Variants in TNPO2 observed in about 807,000 individuals in gnomAD.
TNPO2 encodes the protein transportin-2.
TNPO2 carries 16 observed loss-of-function variants against 111.1 expected under a neutral mutation model. The ratio of observed to expected loss-of-function variants is 0.14; its 90% CI spans 0.10 to 0.22. TNPO2 has a LOEUF of 0.22. TNPO2 is among the 10% of genes least tolerant of loss of function. TNPO2 has a pLI of 1.00. For missense variants in TNPO2, 530 were observed against 1,173.7 expected, an observed-to-expected ratio of 0.45 and a Z score of 8.01; for synonymous variants, 481 against 475.8, an observed-to-expected ratio of 1.01 and a Z score of -0.14.
At position 12,715,158 on chromosome 19, in the gene TNPO2, G is replaced by T; in HGVS notation, c.660C>A (p.Ala220=). 1 of 1,609,162 alleles carries T rather than the reference G, an allele frequency of 6.2e-7. No individual in the cohort carries two copies. Among genetic ancestry groups the T allele is most frequent in the Non-Finnish European group, 8.5e-7 (1 of 1,176,538 alleles). ...NIDTFIEHLF[A]LAVDDDPEVR... is the part of the protein sequence containing the mutation. ...CCTCGGGGTCATCATCCACAGCCAG[G>T]GCAAATAGGTGCTGCAGGGAGGAAC... is the stretch of plus-strand genomic sequence containing the variant. The change falls in exon 9 of 26, where the codon GCC becomes GCA. Residue 220 remains alanine (A), a synonymous_variant. Transcript: ENST00000425528. This position sits in a 1 kb window ranked among gnomAD's most constrained non-coding sequence, Gnocchi z 7.1.
At chr19:12,703,688 G>A in intron 19 of TNPO2, 26 bp downstream of exon 19, 1 of 1,604,532 alleles carries the variant, frequency 6.2e-7, no homozygotes, top group Non-Finnish European at 8.5e-7. Context: ...TGGGGTCATG[G>A]GTTAGGGACA....
At chr19:12,717,903 A>G (rs2026452077) in intron 5 of TNPO2, among the ~76,000 whole-genome samples, 1 of 152,082 alleles carries the variant, frequency 6.6e-6, no homozygotes, top group Non-Finnish European at 1.5e-5. Flanking sequence ...GCTAGTCTCC[A>G]ACTCCTGATC....
At chr19:12,711,922 C>T (rs1412182702) in intron 10 of TNPO2, among the ~76,000 whole-genome samples, 1 of 151,580 alleles carries the variant, frequency 6.6e-6, no homozygotes, top group Non-Finnish European at 1.5e-5. Flanking sequence ...GCAAGCCACC[C>T]AGGCACCGAG....
chr19:12,719,854 A>G lies in TNPO2; in HGVS notation c.100-518T>C, dbSNP rs1472764492. Among the ~76,000 whole-genome samples the G allele has an allele frequency of 6.7e-6, 1 of 149,806 alleles. No individual in the cohort carries two copies. Among genetic ancestry groups the G allele is most frequent in the Admixed American group, 6.7e-5 (1 of 15,008 alleles). On this transcript the variant is annotated intron_variant, in intron 3 of 25. Transcript: ENST00000425528. The surrounding 1 kb of genome is among the most constrained non-coding windows in gnomAD (Gnocchi z 5.0). ...GTGGAAATGTCTGAGTTTCCCATCC[A>G]CTCCTGAAGACCCAGCCAGAGCAGG...
Position 12,706,858 on chromosome 19 carries a change from A to G in TNPO2, c.1271-63T>C. ...GGGCCCAGCCACACCCACCGTATGG[A>G]GAGAAGAGTCAGCCGCACACAACAT... On this transcript the variant is annotated intron_variant, in intron 13 of 25. Transcript: ENST00000425528. The surrounding 1 kb of genome is among the most constrained non-coding windows in gnomAD (Gnocchi z 7.0). 7.3e-7 allele frequency: 1 copy of G among 1,371,190 alleles called. No individual in the cohort carries two copies. The highest frequency in any genetic ancestry group is 1.0e-6 in the Non-Finnish European group (1 of 985,048). The allele number at this position is 1,371,190 out of a possible 1,614,324, so 84.9% of individuals were successfully genotyped here.
At position 12,699,461 on chromosome 19, in the gene TNPO2, TTTTA is replaced by T. The variant is rs1391052794; in HGVS notation, c.*1799_*1802del. Reference sequence around the variant, plus strand: ...TAAATTAAAAAATTAAATAGTTTTTTTTTAAAAAAAAAAAAAAAAAGGAAAACGA... The same window carrying T: ...TAAATTAAAAAATTAAATAGTTTTTTAAAAAAAAAAAAAAAAGGAAAACGA... On this transcript the variant is annotated 3_prime_UTR_variant, in exon 26 of 26. Transcript: ENST00000425528. 9.7e-5 allele frequency: 12 copies of T among 124,222 alleles called. No individual in the cohort carries two copies. Among genetic ancestry groups the T allele is most frequent in the Admixed American group, 8.1e-4 (11 of 13,546 alleles). 7.7% of individuals were successfully genotyped at this position (124,222 alleles called of 1,614,324 possible). A position where few individuals can be genotyped will look rare whatever the true frequency, so the allele number is the denominator to read the frequency against.
chr19:12,714,814 C>G lies in TNPO2; in HGVS notation c.890+7G>C, dbSNP rs370656347. ...GGGGTAGGACAGTGGGCAGCAGCAG[C>G]ACTCACTGGACCAGATGGGAGGCCA... On this transcript the variant is annotated splice_region_variant and intron_variant, in intron 10 of 25. Transcript: ENST00000425528. 63 of 1,611,122 alleles carry G rather than the reference C, an allele frequency of 3.9e-5. No individual in the cohort carries two copies. The African/African-American group carries it at 5.7e-4, about 15-fold the overall frequency.
intron 19 of TNPO2, 54 bp from the exon 20 acceptor site, chr19:12,703,580 A>T: frequency 6.3e-7 from 1 of 1,579,000 alleles, no homozygotes. Flanking sequence ...GGTAAGCTGC[A>T]GGACCTAGTC....
In TNPO2 at chr19:12,701,451, A is replaced by T. The variant is rs1408452146; in HGVS notation, c.2589T>A (p.Ile863=). The T allele has an allele frequency of 6.8e-6, 11 of 1,613,660 alleles. No homozygotes were observed. The highest frequency in any genetic ancestry group is 3.3e-5 in the South Asian group (3 of 91,056). The part of the protein sequence containing the change: ...KDDLRDMFYK[I]LHGFKDQVGE... ...CAACTTGGTCTTTGAAGCCGTGGAG[A>T]ATCTGTGGGGAGGGTGGTGGTGAGG... The change falls in exon 25 of 26, where the codon ATT becomes ATA. Residue 863 remains isoleucine, a splice_region_variant and synonymous_variant. Coordinates refer to ENST00000425528, the MANE Select transcript of TNPO2 (RefSeq NM_001382241.1). The surrounding 1 kb of genome is among the most constrained non-coding windows in gnomAD (Gnocchi z 5.0).
intron 12 of TNPO2, 155 bp downstream of exon 12, chr19:12,711,141 G>A (rs2145547524): frequency 7.8e-6 from 7 of 902,640 alleles, no homozygotes; most frequent in Non-Finnish European, 1.2e-5. Context: ...TGATCCGCCC[G>A]CCTCAGCCTT....
At position 12,705,820 on chromosome 19, in the gene TNPO2, G is replaced by T; in HGVS notation, c.1669-52C>A. On this transcript the variant is annotated intron_variant, in intron 15 of 25. Coordinates refer to ENST00000425528, the MANE Select transcript of TNPO2 (RefSeq NM_001382241.1). The surrounding 1 kb of genome is among the most constrained non-coding windows in gnomAD (Gnocchi z 7.2). ...TCCCTGGGTCGGGGTGGCAGACTGT[G>T]ACTCAGGTACCTGTTGCCCGAGTGA... 3.1e-6 allele frequency: 4 copies of T among 1,307,044 alleles called. No individual in the cohort carries two copies. The South Asian group carries it at 6.2e-5, about 20-fold the overall frequency. 81.0% of individuals were successfully genotyped at this position (1,307,044 alleles called of 1,614,324 possible).
In TNPO2 at chr19:12,715,841, C is replaced by T; in HGVS notation, c.326-102G>A. ...CCAGTGCTGCCTTTCTGTTCCCTAG[C>T]CCATGTACGCCCTCTACATCCCCCC... On this transcript the variant is annotated intron_variant, in intron 5 of 25. Transcript: ENST00000425528. This position sits in a 1 kb window ranked among gnomAD's most constrained non-coding sequence, Gnocchi z 7.1. The T allele has an allele frequency of 2.4e-6, 2 of 836,326 alleles. No individual in the cohort carries two copies. The highest frequency in any genetic ancestry group is 2.6e-4 in the Middle Eastern group (1 of 3,796). 51.8% of individuals were successfully genotyped at this position (836,326 alleles called of 1,614,324 possible). A position where few individuals can be genotyped will look rare whatever the true frequency, so the allele number is the denominator to read the frequency against.
chr19:12,712,586 C>T (rs1023171287), intron 10 of TNPO2, among the ~76,000 whole-genome samples: 2 of 152,198 alleles, frequency 1.3e-5, no homozygotes, highest in African/African-American at 2.4e-5. Flanking sequence ...TAATGGCATA[C>T]GCTGTCTTTC....
rs369584578 is a variant in TNPO2, at chr19:12,715,651, C to T, written c.414G>A (p.Glu138=). 6.6e-5 allele frequency: 107 copies of T among 1,613,668 alleles called. No individual in the cohort carries two copies. The highest frequency in any genetic ancestry group is 8.7e-5 in the Non-Finnish European group (103 of 1,179,830). Residue 138 remains glutamate, a synonymous_variant, in exon 6 of 26, where the codon GAG becomes GAA. Transcript: ENST00000425528. The surrounding 1 kb of genome is among the most constrained non-coding windows in gnomAD (Gnocchi z 7.1). ...TGCCTACCTCACAAGTGTTGTAATCCTCCGAGTTAAGCAGGTTGCAGAGCT... is the reference window on the plus strand; with the variant it reads ...TGCCTACCTCACAAGTGTTGTAATCTTCCGAGTTAAGCAGGTTGCAGAGCT... The part of the protein sequence containing the change: ...LPQLCNLLNS[E]DYNTCEGAFG...
rs1350642238 is a variant in TNPO2, at chr19:12,701,997, G to A, written c.2411+75C>T. The A allele has an allele frequency of 1.3e-6, 2 of 1,497,696 alleles. No homozygotes were observed. Among genetic ancestry groups the A allele is most frequent in the Non-Finnish European group, 1.9e-6 (2 of 1,075,866 alleles). 92.8% of individuals were successfully genotyped at this position (1,497,696 alleles called of 1,614,324 possible). ...AGGGAGTCAGTAGGCAGATGGGGCT[G>A]GAAATGCACAGGCGAGGGAGGGGGT... On this transcript the variant is annotated intron_variant, in intron 22 of 25. Coordinates refer to ENST00000425528, the MANE Select transcript of TNPO2 (RefSeq NM_001382241.1). The surrounding 1 kb of genome is among the most constrained non-coding windows in gnomAD (Gnocchi z 5.0).
intron 18 of TNPO2, among the ~76,000 whole-genome samples, chr19:12,704,049 G>A (rs1295988548): frequency 1.3e-5 from 2 of 152,170 alleles, no homozygotes; most frequent in African/African-American, 2.4e-5. Flanking sequence ...ATCCACGGAT[G>A]TGCAAGTCCT....
At chr19:12,703,565 G>C (rs745954874) in intron 19 of TNPO2, 39 bp from the exon 20 acceptor site, 1 of 1,603,838 alleles carries the variant, frequency 6.2e-7, no homozygotes, top group Non-Finnish European at 8.5e-7. Context: ...AGGAGGGCCA[G>C]CCAGGGTAAG....
chr19:12,711,173 C>T (rs897344481), intron 12 of TNPO2, 123 bp downstream of exon 12: 51 of 1,315,436 alleles, frequency 3.9e-5, no homozygotes, highest in Non-Finnish European at 5.3e-5. Flanking sequence ...GGATTACAGG[C>T]GTAAGCCACT....
chr19:12,701,839 G>A lies in TNPO2; in HGVS notation c.2424C>T (p.Leu808=). The A allele has an allele frequency of 1.9e-6, 3 of 1,612,990 alleles. No homozygotes were observed. Among genetic ancestry groups the A allele is most frequent in the South Asian group, 2.2e-5 (2 of 91,070 alleles). Residue 808 remains leucine (L), a synonymous_variant, in exon 23 of 26, where the codon CTC becomes CTT. Coordinates refer to ENST00000425528, the MANE Select transcript of TNPO2 (RefSeq NM_001382241.1). This position sits in a 1 kb window ranked among gnomAD's most constrained non-coding sequence, Gnocchi z 5.0. Reference sequence around the variant, plus strand: ...TCTCCTCGTTGTCCCTGATGTTCCTGAGGGACGTGCACCTGTGGGAAGGTG... The same window carrying A: ...TCTCCTCGTTGTCCCTGATGTTCCTAAGGGACGTGCACCTGTGGGAAGGTG... ...QQFIRPWCTS[L]RNIRDNEEKD... is the part of the protein sequence containing the mutation.
Sources: allele counts gnomAD v4.1 joint callset (sites outside exome capture counted in the v4.1 genomes callset), GRCh38; gene constraint gnomAD v4.1.1; non-coding constraint Gnocchi (gnomAD v3.1); transcripts MANE v1.5; gene names NCBI Gene and HGNC (gene_info 2026-07-23, HGNC 2026-07-21).